The following CACNA1D variants were observed in gnomAD, a reference collection of about 807,000 sequenced individuals.
CACNA1D encodes the protein calcium voltage-gated channel subunit alpha1 D, also known as voltage-dependent L-type calcium channel subunit alpha-1D.
Under a neutral mutation model 257.1 loss-of-function variants are expected in CACNA1D, and 55 were observed. The observed-to-expected ratio is 0.21, with a 90% CI of 0.17 to 0.27. CACNA1D has a LOEUF of 0.27. Among genes scored for constraint, CACNA1D ranks in the 10% least tolerant of loss-of-function variants. CACNA1D has a pLI of 1.00. For synonymous variants in CACNA1D, 980 were observed against 1,014.9 expected (o/e 0.97, Z 0.65); for missense variants, 1,876 against 2,784.0 (o/e 0.67, Z 7.34).
At chr3:53,584,559 C>T (rs2093183563) in intron 3 of CACNA1D, among the ~76,000 whole-genome samples, 3 of 152,208 alleles carry the variant, frequency 2.0e-5, no homozygotes, top group Admixed American at 2.0e-4. Context: ...CATTTACCAT[C>T]CTAAGACAGG....
rs917199774 is a variant in CACNA1D, at chr3:53,811,593, G to A, written c.*187G>A. The A allele has an allele frequency of 8.9e-5, 49 of 551,738 alleles. 1 individual carries two copies. The highest frequency in any genetic ancestry group is 4.7e-4 in the Middle Eastern group (1 of 2,130). The allele number at this position is 551,738 out of a possible 1,614,324, so 34.2% of individuals were successfully genotyped here. ...TGGTAGGAACAGGTCCCAAGCGGTT[G>A]AGCCTGGCAGAGTACCATGCGCTCG... is the stretch of plus-strand genomic sequence containing the variant. On this transcript the variant is annotated 3_prime_UTR_variant, in exon 48 of 48. Coordinates refer to ENST00000350061, the MANE Select transcript of CACNA1D (RefSeq NM_001128840.3). The surrounding 1 kb of genome is among the most constrained non-coding windows in gnomAD (Gnocchi z 4.2).
At chr3:53,658,782 C>G (rs985201941) in intron 4 of CACNA1D, among the ~76,000 whole-genome samples, 1 of 152,180 alleles carries the variant, frequency 6.6e-6, no homozygotes, top group Non-Finnish European at 1.5e-5. Context: ...GATCTATTTC[C>G]TCAGTCATAA....
chr3:53,732,627 C>A (rs1172473946), intron 18 of CACNA1D, among the ~76,000 whole-genome samples, 188 bp from the exon 19 acceptor site: 2 of 152,168 alleles, frequency 1.3e-5, no homozygotes, highest in African/African-American at 2.4e-5. Flanking sequence ...GACGGGGACA[C>A]TTCTCAGCAC....
intron 3 of CACNA1D, among the ~76,000 whole-genome samples, chr3:53,550,864 A>G (rs2092517961): frequency 6.6e-6 from 1 of 152,244 alleles, no homozygotes; most frequent in Non-Finnish European, 1.5e-5. Context: ...GAGCAATTAT[A>G]TCTTTAACTT....
chr3:53,803,416 A>G lies in CACNA1D; in HGVS notation c.5436-7A>G. 1 of 1,614,138 alleles carries G rather than the reference A, an allele frequency of 6.2e-7. No individual in the cohort carries two copies. Among genetic ancestry groups the G allele is most frequent in the Non-Finnish European group, 8.5e-7 (1 of 1,180,008 alleles). On this transcript the variant is annotated splice_region_variant and splice_polypyrimidine_tract_variant and intron_variant, in intron 43 of 47. Coordinates refer to ENST00000350061, the MANE Select transcript of CACNA1D (RefSeq NM_001128840.3). Reference sequence around the variant, plus strand: ...CCAGGTTCTCAGATCCTCTCTCCCAACTGCAGGTCCGACTCAGGAGATGAA... The same window carrying G: ...CCAGGTTCTCAGATCCTCTCTCCCAGCTGCAGGTCCGACTCAGGAGATGAA...
intron 21 of CACNA1D, among the ~76,000 whole-genome samples, chr3:53,741,019 C>T (rs186345143): frequency 7.2e-4 from 109 of 152,268 alleles, no homozygotes; most frequent in African/African-American, 2.4e-3. Flanking sequence ...ACAAAAGGAG[C>T]GCCCTTTGGC....
In CACNA1D at chr3:53,591,302, G is replaced by T. The variant is rs932409364; in HGVS notation, c.484-59477G>T. Among the ~76,000 whole-genome samples the T allele has an allele frequency of 8.3e-4, 127 of 152,158 alleles. 1 individual carries two copies. The highest frequency in any genetic ancestry group is 3.0e-3 in the African/African-American group (125 of 41,492). On this transcript the variant is annotated intron_variant, in intron 3 of 47. Coordinates refer to ENST00000350061, the MANE Select transcript of CACNA1D (RefSeq NM_001128840.3). ...GAGTCTCACTCTGTTGCCAAGGCTG[G>T]AATGCAGTGGCATGACCTTGGCTCA...
chr3:53,562,408 T>C (rs1203888636), intron 3 of CACNA1D, among the ~76,000 whole-genome samples: 1 of 152,236 alleles, frequency 6.6e-6, no homozygotes, highest in Admixed American at 6.5e-5. Context: ...AGCTCTAAAT[T>C]CAGAAATCTC....
intron 40 of CACNA1D, chr3:53,791,319 G>A: frequency 3.0e-6 from 1 of 331,026 alleles, no homozygotes; most frequent in Non-Finnish European, 5.5e-6. Context: ...TCAGAGAAAG[G>A]GAAAGAGTGA....
chr3:53,808,467 G>A, intron 45 of CACNA1D, 182 bp from the exon 46 acceptor site: 1 of 669,394 alleles, frequency 1.5e-6, no homozygotes, highest in Non-Finnish European at 2.6e-6. Context: ...CCTCACTGGG[G>A]CTTCTGCCTT....
intron 3 of CACNA1D, among the ~76,000 whole-genome samples, chr3:53,625,996 A>G (rs141031915): frequency 1.1e-3 from 173 of 152,280 alleles, no homozygotes; most frequent in Middle Eastern, 6.8e-3. Flanking sequence ...GGGATAAAGG[A>G]GAGTCTTATC....
intron 35 of CACNA1D, 114 bp downstream of exon 35, chr3:53,776,159 G>A (rs1331118859): frequency 3.0e-6 from 3 of 985,162 alleles, no homozygotes; most frequent in South Asian, 1.3e-5. Flanking sequence ...ATGTGGATGA[G>A]CACTCTGGAC....
intron 3 of CACNA1D, among the ~76,000 whole-genome samples, chr3:53,558,267 C>G (rs1454910440): frequency 1.3e-5 from 2 of 152,158 alleles, no homozygotes; most frequent in Admixed American, 1.3e-4. Context: ...TCAGGTAATA[C>G]TGGCCTTATA....
chr3:53,580,819 G>A (rs977283314), intron 3 of CACNA1D, among the ~76,000 whole-genome samples: 4 of 152,198 alleles, frequency 2.6e-5, no homozygotes, highest in South Asian at 2.1e-4. Flanking sequence ...CTTCATCAAA[G>A]TTTCTTCAGT....
chr3:53,794,024 C>CTT (rs1426999525), intron 40 of CACNA1D, among the ~76,000 whole-genome samples: 1 of 152,184 alleles, frequency 6.6e-6, no homozygotes, highest in East Asian at 1.9e-4. Flanking sequence ...TCTCAAATAG[C>CTT]TTATACTGTT....
intron 29 of CACNA1D, among the ~76,000 whole-genome samples, chr3:53,759,240 G>A (rs912307045): frequency 4.6e-5 from 7 of 152,180 alleles, no homozygotes; most frequent in Admixed American, 1.3e-4. Context: ...TGATTTAAAC[G>A]GATTTTATCC....
At chr3:53,629,134 G>T (rs1040286059) in intron 3 of CACNA1D, among the ~76,000 whole-genome samples, 4 of 152,246 alleles carry the variant, frequency 2.6e-5, no homozygotes, top group Admixed American at 2.6e-4. Context: ...ACAAACGAGC[G>T]TGGTTGTGTG....
chr3:53,548,369 TTTA>T (rs1202338969), intron 3 of CACNA1D, among the ~76,000 whole-genome samples: 33 of 137,474 alleles, frequency 2.4e-4, no homozygotes, highest in African/African-American at 8.1e-4. Context: ...TTTTTTTTTT[TTTA>T]AAAATTATCT....
chr3:53,551,459 G>C (rs2092532651), intron 3 of CACNA1D, among the ~76,000 whole-genome samples: 2 of 152,256 alleles, frequency 1.3e-5, no homozygotes, highest in Admixed American at 6.5e-5. Flanking sequence ...AGCCTGGGTT[G>C]CTGCCGGGTA....
Sources: gnomAD v4.1 joint callset for allele counts (sites outside exome capture counted in the v4.1 genomes callset) on GRCh38, gnomAD v4.1.1 for gene constraint, Gnocchi (gnomAD v3.1) non-coding constraint, MANE v1.5 for transcripts, NCBI Gene and HGNC (gene_info 2026-07-23, HGNC 2026-07-21) for gene names.